FA2H: variants seen among roughly 807,000 people sequenced by gnomAD.
FA2H encodes fatty acid 2-hydroxylase.
FA2H carries 22 observed loss-of-function variants against 44.9 expected under a neutral mutation model. The observed-to-expected ratio is 0.49, with a 90% confidence interval of 0.35 to 0.70. The LOEUF is 0.70. Among genes scored for constraint, FA2H ranks in the 30% least tolerant of loss-of-function variants. FA2H has a pLI of 0.01. For synonymous variants in FA2H, 243 were observed against 213.2 expected, an observed-to-expected ratio of 1.14 and a Z score of -1.22; for missense variants, 501 against 504.9, an observed-to-expected ratio of 0.99 and a Z score of 0.07.
In FA2H at chr16:74,719,015, G is replaced by A; in HGVS notation, c.759C>T (p.His253=). The A allele has an allele frequency of 6.2e-7, 1 of 1,613,946 alleles. No individual in the cohort carries two copies. The highest frequency in any genetic ancestry group is 2.2e-5 in the East Asian group (1 of 44,878). The change falls in exon 5 of 7, where the codon CAC becomes CAT. Residue 253 remains histidine, a synonymous_variant. Transcript: ENST00000219368. The stretch of plus-strand genomic sequence containing the variant: ...TGTGGTGCTGGCCGTGCATGACGAA[G>A]TGCAGCATGATGAGGTAATAGCTGT... ...PSDSYYLIML[H]FVMHGQHHKA...
rs373800663 is a variant in FA2H at position 74,757,777 on chromosome 16, G to A, written c.270+16709C>T. On this transcript the variant is annotated intron_variant, in intron 1 of 6. Transcript: ENST00000219368. ...CATGCCTGTAATCCTGGCACTTTGG[G>A]AGGCTGAGGTGGGTGGATTGTTTCA... 2.6e-5 allele frequency among the ~76,000 whole-genome samples: 4 copies of A among 152,168 alleles called. No individual in the cohort carries two copies. In the East Asian group the frequency reaches 7.7e-4, roughly 29 times the overall value.
intron 1 of FA2H, among the ~76,000 whole-genome samples, chr16:74,763,746 G>C (rs561778818): frequency 6.6e-6 from 1 of 152,320 alleles, no homozygotes; most frequent in African/African-American, 2.4e-5. Context: ...AATTTACTTA[G>C]GTAATTTTCA....
At chr16:74,744,450 C>CTTTTT (rs35646878) in intron 1 of FA2H, among the ~76,000 whole-genome samples, 1 of 129,560 alleles carries the variant, frequency 7.7e-6, no homozygotes, top group African/African-American at 3.0e-5. Flanking sequence ...CAGATGATGC[C>CTTTTT]TTTTTTTTTT....
rs182322987 is a variant in FA2H, at chr16:74,717,496, C to T, written c.787-897G>A. On this transcript the variant is annotated intron_variant, in intron 5 of 6. Coordinates refer to ENST00000219368, the MANE Select transcript of FA2H (RefSeq NM_024306.5). Reference sequence around the variant, plus strand: ...CCTGATTGGTAGTGTTTGCCAATTCCTGCAGTGTGAAAACTGCCCTGGCGC... The same window carrying T: ...CCTGATTGGTAGTGTTTGCCAATTCTTGCAGTGTGAAAACTGCCCTGGCGC... Among the ~76,000 whole-genome samples the T allele has an allele frequency of 6.6e-5, 10 of 152,330 alleles. No homozygotes were observed. The East Asian group carries it at 1.7e-3, about 26-fold the overall frequency.
At chr16:74,734,990 G>A (rs975661158) in intron 2 of FA2H, among the ~76,000 whole-genome samples, 3 of 152,234 alleles carry the variant, frequency 2.0e-5, no homozygotes, top group African/African-American at 7.2e-5. Flanking sequence ...AGTGGGGGCC[G>A]GTTGTCTGCA....
At chr16:74,771,777 T>C (rs1287125391) in intron 1 of FA2H, among the ~76,000 whole-genome samples, 1 of 151,772 alleles carries the variant, frequency 6.6e-6, no homozygotes, top group Non-Finnish European at 1.5e-5. Context: ...CCCGAATTCA[T>C]CCCCCTTCCC....
intron 1 of FA2H, among the ~76,000 whole-genome samples, chr16:74,748,579 G>T (rs1211067262): frequency 6.6e-6 from 1 of 152,136 alleles, no homozygotes; most frequent in Non-Finnish European, 1.5e-5. Context: ...TCCCCTCGTG[G>T]AGGACTCTCT....
chr16:74,714,430 T>G (rs1961648977), intron 6 of FA2H, among the ~76,000 whole-genome samples, 161 bp from the exon 7 acceptor site: 1 of 152,106 alleles, frequency 6.6e-6, no homozygotes. Context: ...AAGTCAAGGG[T>G]GGGGAACCTG....
chr16:74,774,715 G>A lies in FA2H; in HGVS notation c.41C>T (p.Ser14Phe). 1 of 1,349,464 alleles carries A rather than the reference G, an allele frequency of 7.4e-7. No individual in the cohort carries two copies. The highest frequency in any genetic ancestry group is 9.4e-7 in the Non-Finnish European group (1 of 1,059,786). 83.6% of individuals were successfully genotyped at this position (1,349,464 alleles called of 1,614,324 possible). A position where few individuals can be genotyped will look rare whatever the true frequency, so the allele number is the denominator to read the frequency against. The stretch of plus-strand genomic sequence containing the variant: ...GGCCGCCAGGCGCCGCTGGACCTCG[G>A]AGGGCGAGAAGGAGGCGGCGGGGGG... Reference protein sequence around the residue: ...APPPAASFSPSEVQRRLAAGA... With the variant: ...APPPAASFSPFEVQRRLAAGA... The change falls in exon 1 of 7, where the codon TCC becomes TTC. Residue 14 changes from serine (S) to phenylalanine (F), a missense_variant. Ser to Phe is a radical substitution (Grantham distance 155). Coordinates refer to ENST00000219368, the MANE Select transcript of FA2H (RefSeq NM_024306.5).
chr16:74,730,137 G>C (rs1291143663), intron 2 of FA2H, among the ~76,000 whole-genome samples: 1 of 152,156 alleles, frequency 6.6e-6, no homozygotes, highest in Admixed American at 6.5e-5. Flanking sequence ...AGGTGGAGCT[G>C]GTCTCGCCCA....
intron 5 of FA2H, 45 bp from the exon 6 acceptor site, chr16:74,716,644 C>G: frequency 6.6e-7 from 1 of 1,516,892 alleles, no homozygotes; most frequent in Middle Eastern, 1.8e-4. Context: ...CCAGGGGCCC[C>G]GGCAGCTGGC....
At chr16:74,716,718 C>A (rs1177030023) in intron 5 of FA2H, 119 bp from the exon 6 acceptor site, 36 of 1,212,442 alleles carry the variant, frequency 3.0e-5, no homozygotes, top group Non-Finnish European at 3.5e-5. Flanking sequence ...ACTGCGTAGG[C>A]TTGGCACCTT....
At chr16:74,773,484 C>T (rs1010159110) in intron 1 of FA2H, among the ~76,000 whole-genome samples, 8 of 152,092 alleles carry the variant, frequency 5.3e-5, no homozygotes, top group Non-Finnish European at 8.8e-5. Context: ...GCATGATGGC[C>T]CCATACCAGT....
intron 4 of FA2H, among the ~76,000 whole-genome samples, chr16:74,725,798 C>G (rs751441581): frequency 6.6e-6 from 1 of 152,222 alleles, no homozygotes; most frequent in Non-Finnish European, 1.5e-5. Context: ...CCAGATCTTT[C>G]TCTCCCAAGT....
At chr16:74,754,447 G>C (rs1770487661) in intron 1 of FA2H, among the ~76,000 whole-genome samples, 1 of 152,150 alleles carries the variant, frequency 6.6e-6, no homozygotes, top group Non-Finnish European at 1.5e-5. Context: ...GGGAGGAATA[G>C]TGTTCCTCCT....
At chr16:74,764,456 A>C (rs1206321175) in intron 1 of FA2H, among the ~76,000 whole-genome samples, 1 of 152,220 alleles carries the variant, frequency 6.6e-6, no homozygotes, top group Non-Finnish European at 1.5e-5. Context: ...TCCTTAGCAA[A>C]CTAAGTCAGG....
intron 1 of FA2H, among the ~76,000 whole-genome samples, chr16:74,761,179 C>T (rs1364571251): frequency 2.6e-5 from 4 of 152,176 alleles, no homozygotes; most frequent in African/African-American, 4.8e-5. Flanking sequence ...GGGTCGGGCG[C>T]GGTGGTTCAT....
intron 1 of FA2H, among the ~76,000 whole-genome samples, chr16:74,748,943 A>G (rs993123804): frequency 8.5e-5 from 13 of 152,090 alleles, no homozygotes; most frequent in African/African-American, 3.1e-4. Flanking sequence ...CCCCCACCCC[A>G]TGGAGGCCCA....
At chr16:74,733,254 A>G (rs545117530) in intron 2 of FA2H, among the ~76,000 whole-genome samples, 34 of 152,330 alleles carry the variant, frequency 2.2e-4, no homozygotes, top group African/African-American at 7.7e-4. Context: ...TCAAAGGCCA[A>G]CACCTATAGT....
Sources: gnomAD v4.1 joint callset for allele counts (sites outside exome capture counted in the v4.1 genomes callset) on GRCh38, gnomAD v4.1.1 for gene constraint, MANE v1.5 for transcripts, NCBI Gene and HGNC (gene_info 2026-07-23, HGNC 2026-07-21) for gene names.